Variants in PLCB4 observed in about 807,000 individuals in gnomAD.
PLCB4 encodes phospholipase C beta 4, also known as 1-phosphatidylinositol 4,5-bisphosphate phosphodiesterase beta-4.
Under a neutral mutation model 178.8 loss-of-function variants are expected in PLCB4, and 77 were observed. That is an observed-to-expected ratio of 0.43 (90% CI 0.36 to 0.52). The LOEUF (loss-of-function observed/expected upper bound fraction) is 0.52. Among genes scored for constraint, PLCB4 ranks in the 20% least tolerant of loss-of-function variants. The pLI is 0.00. For synonymous variants in PLCB4, 496 were observed against 490.8 expected (o/e 1.01, Z -0.14); for missense variants, 1,024 against 1,453.4 (o/e 0.70, Z 4.80).
At chr20:9,449,494 C>A (rs1349609655) in intron 32 of PLCB4, among the ~76,000 whole-genome samples, 2 of 152,134 alleles carry the variant, frequency 1.3e-5, no homozygotes, top group Non-Finnish European at 1.5e-5. Context: ...GTAGATGGGT[C>A]AGTCGTGTCC....
In PLCB4 at chr20:9,277,451, C is replaced by T. The variant is rs2147664240; in HGVS notation, c.-15-30349C>T. 2.6e-5 allele frequency among the ~76,000 whole-genome samples: 4 copies of T among 152,080 alleles called. 1 individual carries two copies. The South Asian group carries it at 8.3e-4, about 32-fold the overall frequency. On this transcript the variant is annotated intron_variant, in intron 3 of 39. Coordinates refer to ENST00000378473, the MANE Select transcript of PLCB4 (RefSeq NM_001377142.1). Reference sequence around the variant, plus strand: ...TTAGAGCCTCAGCTCATGCAGCTTTCCTGCTTGGGTATATGGGTAGGGCAA... The same window carrying T: ...TTAGAGCCTCAGCTCATGCAGCTTTTCTGCTTGGGTATATGGGTAGGGCAA...
intron 28 of PLCB4, among the ~76,000 whole-genome samples, chr20:9,431,680 G>GTA (rs2041422704): frequency 6.8e-6 from 1 of 146,290 alleles, no homozygotes; most frequent in East Asian, 2.1e-4. Context: ...GTGTGTGTGT[G>GTA]TGTATTTTTA....
At chr20:9,363,896 A>G (rs1310296719) in intron 8 of PLCB4, among the ~76,000 whole-genome samples, 3 of 152,202 alleles carry the variant, frequency 2.0e-5, no homozygotes, top group South Asian at 2.1e-4. Flanking sequence ...AGGTACTGTC[A>G]TGTCTTATCT....
intron 3 of PLCB4, among the ~76,000 whole-genome samples, chr20:9,295,473 G>A (rs892413996): frequency 2.6e-5 from 4 of 152,102 alleles, no homozygotes; most frequent in Non-Finnish European, 4.4e-5. Flanking sequence ...TAGGGCTGAT[G>A]ATAACTCTGT....
intron 7 of PLCB4, among the ~76,000 whole-genome samples, chr20:9,359,553 C>T (rs903606031): frequency 1.3e-5 from 2 of 152,162 alleles, no homozygotes; most frequent in Non-Finnish European, 2.9e-5. Flanking sequence ...CGTGCTGATC[C>T]GAACATCAGA....
chr20:9,187,442 G>T (rs1184233429), intron 2 of PLCB4, among the ~76,000 whole-genome samples: 6 of 152,144 alleles, frequency 3.9e-5, no homozygotes, highest in African/African-American at 1.4e-4. Context: ...TCTGTCTTCT[G>T]TTTTCGTGGT....
Position 9,293,627 on chromosome 20 carries a change from A to ATTCATTCT in PLCB4, c.-15-14166_-15-14165insTTTCATTC, listed in dbSNP as rs1382607431. Among the ~76,000 whole-genome samples, 20 of 140,810 alleles carry ATTCATTCT rather than the reference A, an allele frequency of 1.4e-4. No homozygotes were observed. The East Asian group carries it at 3.9e-3, about 27-fold the overall frequency. The allele number at this position is 140,810 out of a possible 152,430, so 92.4% of individuals were successfully genotyped here. ...AGCTCCTCCACAGAGTAAAATATTC[A>ATTCATTCT]TTCATTCATTCATTCATTCATTCAT... On this transcript the variant is annotated intron_variant, in intron 3 of 39. Coordinates refer to ENST00000378473, the MANE Select transcript of PLCB4 (RefSeq NM_001377142.1).
At chr20:9,442,764 G>A (rs1040802448) in intron 30 of PLCB4, among the ~76,000 whole-genome samples, 1 of 152,162 alleles carries the variant, frequency 6.6e-6, no homozygotes, top group Non-Finnish European at 1.5e-5. Context: ...GATCAGTAGA[G>A]AGCCCCATGG....
chr20:9,422,990 C>T (rs2040749241), intron 27 of PLCB4, among the ~76,000 whole-genome samples: 2 of 152,184 alleles, frequency 1.3e-5, no homozygotes, highest in South Asian at 4.1e-4. Context: ...AAAAGGCATT[C>T]CTGATTAAAC....
chr20:9,357,090 C>T (rs1241034630), intron 7 of PLCB4, among the ~76,000 whole-genome samples: 1 of 152,134 alleles, frequency 6.6e-6, no homozygotes, highest in Non-Finnish European at 1.5e-5. Context: ...GCACTCCAGC[C>T]TGGGCAACAG....
At chr20:9,171,628 AT>A (rs1237398584) in intron 2 of PLCB4, among the ~76,000 whole-genome samples, 3 of 152,306 alleles carry the variant, frequency 2.0e-5, no homozygotes, top group African/African-American at 7.2e-5. Flanking sequence ...TGGCAAAAAA[AT>A]AACTCAGAGA....
At chr20:9,153,441 G>A (rs944963337) in intron 2 of PLCB4, among the ~76,000 whole-genome samples, 11 of 152,110 alleles carry the variant, frequency 7.2e-5, no homozygotes, top group African/African-American at 2.7e-4. Context: ...CTTGAGATCT[G>A]ATGGGTTTAT....
At chr20:9,081,142 C>T (rs1012065775) in intron 1 of PLCB4, among the ~76,000 whole-genome samples, 5 of 152,186 alleles carry the variant, frequency 3.3e-5, no homozygotes, top group African/African-American at 9.7e-5. Context: ...ATCTTGCTCT[C>T]AGGAGTTTAC....
At position 9,338,047 on chromosome 20, in the gene PLCB4, C is replaced by G; in HGVS notation, c.205C>G (p.Arg69Gly). 6.2e-7 allele frequency: 1 copy of G among 1,610,746 alleles called. No individual in the cohort carries two copies. Among genetic ancestry groups the G allele is most frequent in the Non-Finnish European group, 8.5e-7 (1 of 1,177,314 alleles). Residue 69 changes from arginine (R) to glycine (G), a missense_variant, in exon 6 of 40, where the codon CGG (arginine) becomes GGG (glycine). Physicochemically the swap from Arg to Gly is moderately radical, Grantham distance 125. Around this residue, in one of 7 missense-constraint regions of PLCB4, gnomAD observed 225 missense variants for 291.0 expected, o/e 0.77. Transcript: ENST00000378473. ...AGAATGCTCCCTCATCAACAGTATT[C>G]GGTCGGGAGCCATACCAAAGGTACC... ...VLECSLINSI[R>G]SGAIPKDPKI...
At chr20:9,111,630 C>T (rs1014096707) in intron 2 of PLCB4, among the ~76,000 whole-genome samples, 2 of 152,196 alleles carry the variant, frequency 1.3e-5, no homozygotes, top group Non-Finnish European at 2.9e-5. Context: ...GCTGTGGATT[C>T]ACAGTTCCCA....
At chr20:9,307,169 G>A (rs1398676001) in intron 3 of PLCB4, among the ~76,000 whole-genome samples, 1 of 152,122 alleles carries the variant, frequency 6.6e-6, no homozygotes, top group East Asian at 1.9e-4. Flanking sequence ...GGGCAGGCTG[G>A]TTGGAGTTTC....
chr20:9,144,346 TAA>T (rs1413793360), intron 2 of PLCB4, among the ~76,000 whole-genome samples: 2 of 152,002 alleles, frequency 1.3e-5, no homozygotes, highest in Non-Finnish European at 2.9e-5. Context: ...TGGGACTTTT[TAA>T]AAGAGTTCAA....
chr20:9,098,633 C>T (rs1209139754), intron 2 of PLCB4, among the ~76,000 whole-genome samples: 1 of 149,070 alleles, frequency 6.7e-6, no homozygotes, highest in Non-Finnish European at 1.5e-5. Context: ...TATATATATA[C>T]ACATATATAT....
chr20:9,431,286 G>A (rs1182397184), intron 28 of PLCB4, among the ~76,000 whole-genome samples: 4 of 151,722 alleles, frequency 2.6e-5, no homozygotes, highest in East Asian at 3.9e-4. Flanking sequence ...TTCTTATAGC[G>A]ACACTAGTGA....
Sources: allele counts gnomAD v4.1 joint callset (sites outside exome capture counted in the v4.1 genomes callset), GRCh38; gene constraint gnomAD v4.1.1; regional missense constraint gnomAD v4.1.1; transcripts MANE v1.5; gene names NCBI Gene and HGNC (gene_info 2026-07-23, HGNC 2026-07-21).